The following KLHDC4 variants were observed in gnomAD, a reference collection of about 807,000 sequenced individuals.
KLHDC4 encodes kelch domain-containing protein 4.
KLHDC4 carries 90 observed loss-of-function variants against 62.4 expected under a neutral mutation model. The observed-to-expected ratio is 1.44, with a 90% confidence interval of 1.22 to 1.72. The LOEUF (loss-of-function observed/expected upper bound fraction) is 1.72, where lower values mean the gene tolerates loss of function less well. Ranked by LOEUF, KLHDC4 falls within the 40% of genes most tolerant of loss-of-function variation. KLHDC4 has a pLI of 0.00. For synonymous variants in KLHDC4, 386 were observed against 284.4 expected, an observed-to-expected ratio of 1.36 and a Z score of -3.59; for missense variants, 1,025 against 699.7, an observed-to-expected ratio of 1.47 and a Z score of -5.25.
At chr16:87,728,788 G>A (rs2039828577) in intron 6 of KLHDC4, among the ~76,000 whole-genome samples, 1 of 152,072 alleles carries the variant, frequency 6.6e-6, no homozygotes, top group African/African-American at 2.4e-5. Context: ...AGACCAGCCT[G>A]GCGAACATAG....
chr16:87,748,264 C>T (rs1162421686), intron 5 of KLHDC4, among the ~76,000 whole-genome samples: 2 of 152,228 alleles, frequency 1.3e-5, no homozygotes, highest in African/African-American at 2.4e-5. Flanking sequence ...ACCAGCTCCA[C>T]GGTTTCTACA....
Position 87,734,019 on chromosome 16 carries a change from A to AT in KLHDC4, c.507-3376dup, listed in dbSNP as rs11464207. 8.2e-3 allele frequency among the ~76,000 whole-genome samples: 1,252 copies of AT among 152,350 alleles called. 12 individuals carry two copies. Among genetic ancestry groups the AT allele is most frequent in the African/African-American group, 0.028 (1,178 of 41,586 alleles). The stretch of plus-strand genomic sequence containing the variant: ...CCCCAAAACCCACTTACAGGGTTTT[A>AT]TGTAAAAGCCCAGAAATGGGCAGGT... On this transcript the variant is annotated intron_variant, in intron 5 of 11. Coordinates refer to ENST00000270583, the MANE Select transcript of KLHDC4 (RefSeq NM_017566.4).
intron 4 of KLHDC4, among the ~76,000 whole-genome samples, chr16:87,752,788 A>G (rs1369422186): frequency 6.6e-6 from 1 of 152,206 alleles, no homozygotes; most frequent in Non-Finnish European, 1.5e-5. Flanking sequence ...AGGGAAAAAA[A>G]TAAATATGAC....
At chr16:87,740,613 AGATGCTGGTGTTTTTAGTG>A in intron 5 of KLHDC4, 1 of 152,184 alleles carries the variant, frequency 6.6e-6, no homozygotes, top group South Asian at 2.1e-4. Context: ...TGCAAACACC[AGATGCTGGTGTTTTTAGTG>A]TTTCACAGTT....
chr16:87,709,158 G>A (rs1180222902), intron 10 of KLHDC4, 107 bp downstream of exon 10: 11 of 1,398,234 alleles, frequency 7.9e-6, no homozygotes, highest in East Asian at 2.3e-5. Context: ...GAGAAGTGTC[G>A]GCACAGGCCG....
At chr16:87,764,369 C>T (rs996917306) in intron 1 of KLHDC4, among the ~76,000 whole-genome samples, 3 of 151,888 alleles carry the variant, frequency 2.0e-5, no homozygotes, top group African/African-American at 4.8e-5. Context: ...AGGTAACTGG[C>T]GGGGCAAGGT....
Position 87,707,825 on chromosome 16 carries a change from C to T in KLHDC4, c.*252G>A. 5.1e-6 allele frequency: 2 copies of T among 393,850 alleles called. No individual in the cohort carries two copies. Among genetic ancestry groups the T allele is most frequent in the Non-Finnish European group, 1.0e-5 (2 of 192,790 alleles). 24.4% of individuals were successfully genotyped at this position (393,850 alleles called of 1,614,324 possible). On this transcript the variant is annotated 3_prime_UTR_variant, in exon 12 of 12. Transcript: ENST00000270583. ...CCTCCGCGGTGGTCTTGTTTCAAGT[C>T]CAATTTATTTCACACAACACACAGG...
In KLHDC4 at chr16:87,709,431, A is replaced by G. The variant is rs779033698; in HGVS notation, c.1281T>C (p.Pro427=). 1.2e-6 allele frequency: 2 copies of G among 1,612,726 alleles called. No homozygotes were observed. The highest frequency in any genetic ancestry group is 3.3e-5 in the Admixed American group (2 of 60,004). ...DSLEEAGSPA[P]GPCPRSNAML... ...TGGCGTTGGAGCGTGGACACGGCCC[A>G]GGTGCGGGGCTGCCGGCCTCCTCAA... Residue 427 remains proline (P), a synonymous_variant, in exon 10 of 12, where the codon CCT becomes CCC. Transcript: ENST00000270583.
chr16:87,740,002 T>G (rs1210501841), intron 5 of KLHDC4: 1 of 152,196 alleles, frequency 6.6e-6, no homozygotes, highest in Non-Finnish European at 1.5e-5. Context: ...GAGAAAGCTG[T>G]TATGAAACAC....
At chr16:87,764,264 C>T (rs1765804232) in intron 1 of KLHDC4, among the ~76,000 whole-genome samples, 1 of 152,128 alleles carries the variant, frequency 6.6e-6, no homozygotes, top group South Asian at 2.1e-4. Flanking sequence ...ATACAAACCC[C>T]AGGCCTGACA....
chr16:87,719,697 G>C (rs780541026), intron 7 of KLHDC4, among the ~76,000 whole-genome samples: 5 of 151,060 alleles, frequency 3.3e-5, no homozygotes, highest in Non-Finnish European at 7.4e-5. Context: ...AAACTGATTC[G>C]GCTACGGTAA....
At chr16:87,724,174 G>A (rs1166465567) in intron 7 of KLHDC4, among the ~76,000 whole-genome samples, 1 of 152,130 alleles carries the variant, frequency 6.6e-6, no homozygotes, top group Non-Finnish European at 1.5e-5. Flanking sequence ...TGAGACAAGT[G>A]AGTATCTACA....
intron 7 of KLHDC4, among the ~76,000 whole-genome samples, chr16:87,717,367 T>C (rs1404148567): frequency 6.6e-6 from 1 of 152,262 alleles, no homozygotes; most frequent in Non-Finnish European, 1.5e-5. Flanking sequence ...AGCTAACATG[T>C]ACTGTATTTA....
At chr16:87,763,844 C>CA (rs2143515632) in intron 1 of KLHDC4, among the ~76,000 whole-genome samples, 1 of 152,290 alleles carries the variant, frequency 6.6e-6, no homozygotes, top group African/African-American at 2.4e-5. Context: ...TAGCCAGTGA[C>CA]AGCCTCTCCA....
Position 87,764,646 on chromosome 16 carries a change from CAAAAAAAAAAAA to C in KLHDC4, c.99+1134_99+1145del, listed in dbSNP as rs564692904. Among the ~76,000 whole-genome samples, 58 of 33,844 alleles carry C rather than the reference CAAAAAAAAAAAA, an allele frequency of 1.7e-3. No homozygotes were observed. In the East Asian group the frequency reaches 0.045, roughly 26 times the overall value. 22.2% of individuals were successfully genotyped at this position (33,844 alleles called of 152,430 possible). A position where few individuals can be genotyped will look rare whatever the true frequency, so the allele number is the denominator to read the frequency against. ...CTGGGCAACAAGAGTGAAACTCCTT[CAAAAAAAAAAAA>C]AAAAAAAAAAAAAAAAAGCAGAAAG... On this transcript the variant is annotated intron_variant, in intron 1 of 11. Coordinates refer to ENST00000270583, the MANE Select transcript of KLHDC4 (RefSeq NM_017566.4).
chr16:87,760,111 T>C (rs1175928743), intron 2 of KLHDC4, among the ~76,000 whole-genome samples: 1 of 152,042 alleles, frequency 6.6e-6, no homozygotes, highest in African/African-American at 2.4e-5. Flanking sequence ...TCAGGATAAC[T>C]GCTCCCTCCT....
In KLHDC4 at chr16:87,758,963, G is replaced by T. The variant is rs970415957; in HGVS notation, c.192-2486C>A. On this transcript the variant is annotated intron_variant, in intron 2 of 11. Transcript: ENST00000270583. ...GGCCGAGGCGGGCGGATCACCTGAG[G>T]TGGGGAGTTCGAGACCAGTCTGGCC... is the stretch of plus-strand genomic sequence containing the variant. Among the ~76,000 whole-genome samples the T allele has an allele frequency of 2.0e-5, 3 of 152,260 alleles. No individual in the cohort carries two copies. In the East Asian group the frequency reaches 5.8e-4, roughly 29 times the overall value.
Position 87,709,363 on chromosome 16 carries a change from A to G in KLHDC4, c.1349T>C (p.Met450Thr). The G allele has an allele frequency of 6.2e-7, 1 of 1,613,418 alleles. No individual in the cohort carries two copies. The change falls in exon 10 of 12, where the codon ATG becomes ACG. Residue 450 changes from methionine to threonine, a missense_variant. Transcript: ENST00000270583. ...GACCTGGCGGTCGCCGGCCTCAAAC[A>G]TGCCCCCATAGACGTAGAGCACCCC... ...KHGVLYVYGG[M>T]FEAGDRQVTL... is the part of the protein sequence containing the mutation.
downstream of KLHDC4, among the ~76,000 whole-genome samples, chr16:87,706,230 G>GC (rs1465008284): frequency 2.0e-5 from 2 of 99,622 alleles, no homozygotes; most frequent in Non-Finnish European, 4.1e-5. Context: ...CTCGGGGGGG[G>GC]GTCAGCGCAA....
Sources: gnomAD v4.1 joint callset for allele counts (sites outside exome capture counted in the v4.1 genomes callset) on GRCh38, gnomAD v4.1.1 for gene constraint, MANE v1.5 for transcripts, NCBI Gene and HGNC (gene_info 2026-07-23, HGNC 2026-07-21) for gene names.